The following EPB41L2 variants were observed in gnomAD, a reference collection of about 807,000 sequenced individuals.
EPB41L2 encodes erythrocyte membrane protein band 4.1 like 2, also known as band 4.1-like protein 2.
Under a neutral mutation model 113.0 loss-of-function variants are expected in EPB41L2, and 43 were observed. The ratio of observed to expected loss-of-function variants is 0.38; its 90% CI spans 0.30 to 0.49. EPB41L2 has a LOEUF of 0.49. EPB41L2 is among the 20% of genes least tolerant of loss of function. EPB41L2 has a pLI of 0.95. For missense variants in EPB41L2, 1,147 were observed against 1,223.4 expected (o/e 0.94, Z 0.93); for synonymous variants, 442 against 436.7 (o/e 1.01, Z -0.15).
At chr6:130,981,809 T>C (rs1779436136) in intron 1 of EPB41L2, among the ~76,000 whole-genome samples, 2 of 152,090 alleles carry the variant, frequency 1.3e-5, no homozygotes, top group South Asian at 4.1e-4. Flanking sequence ...ATTTGTAAAA[T>C]AAAAATATAA....
chr6:130,930,758 G>A (rs1554282250), intron 3 of EPB41L2, among the ~76,000 whole-genome samples: 1 of 152,044 alleles, frequency 6.6e-6, no homozygotes, highest in Non-Finnish European at 1.5e-5. Flanking sequence ...GAGAGACACA[G>A]TATCAGAATC....
chr6:130,997,509 A>T (rs1023000081), intron 1 of EPB41L2, among the ~76,000 whole-genome samples: 4 of 152,194 alleles, frequency 2.6e-5, no homozygotes, highest in African/African-American at 4.8e-5. Context: ...TCTACATTAG[A>T]TCAAGAAAGA....
At chr6:130,928,216 CTTGT>C (rs1447641207) in intron 3 of EPB41L2, among the ~76,000 whole-genome samples, 2 of 152,176 alleles carry the variant, frequency 1.3e-5, no homozygotes, top group Non-Finnish European at 2.9e-5. Flanking sequence ...TAGATATGTG[CTTGT>C]TTGTCTACAT....
chr6:130,862,014 C>G (rs996074966), intron 18 of EPB41L2, among the ~76,000 whole-genome samples: 1 of 152,150 alleles, frequency 6.6e-6, no homozygotes, highest in African/African-American at 2.4e-5. Flanking sequence ...ACTGTCCTTG[C>G]AACAGCAGCA....
chr6:130,864,405 G>C (rs1397166056), intron 17 of EPB41L2, among the ~76,000 whole-genome samples: 1 of 152,200 alleles, frequency 6.6e-6, no homozygotes, highest in African/African-American at 2.4e-5. Context: ...TGCGTAAGTA[G>C]TCATACACGT....
intron 1 of EPB41L2, among the ~76,000 whole-genome samples, chr6:131,042,012 T>C (rs181735295): frequency 1.5e-3 from 221 of 152,328 alleles, no homozygotes; most frequent in African/African-American, 5.2e-3. Flanking sequence ...AATGAAGTGA[T>C]AAACTGTGCT....
At chr6:130,978,907 T>G (rs1403801146) in intron 1 of EPB41L2, 1 of 152,154 alleles carries the variant, frequency 6.6e-6, no homozygotes, top group Non-Finnish European at 1.5e-5. Flanking sequence ...GGGCTTATTA[T>G]AAGTGGGTAG....
chr6:130,921,629 C>T (rs1383541431), intron 4 of EPB41L2, among the ~76,000 whole-genome samples: 1 of 152,176 alleles, frequency 6.6e-6, no homozygotes, highest in East Asian at 1.9e-4. Flanking sequence ...GAATACTGGC[C>T]GTAATTCTCA....
At chr6:130,926,538 G>A in intron 4 of EPB41L2, 67 bp downstream of exon 4, 2 of 1,161,188 alleles carry the variant, frequency 1.7e-6, no homozygotes, top group South Asian at 1.4e-5. Context: ...TTTAAACTGA[G>A]ATAAACTGGT....
chr6:130,933,296 T>C (rs1009018376), intron 3 of EPB41L2, among the ~76,000 whole-genome samples: 7 of 152,360 alleles, frequency 4.6e-5, no homozygotes, highest in Non-Finnish European at 5.9e-5. Context: ...AATAATATGA[T>C]ATCAAGTTTA....
rs117735642 is a variant in EPB41L2, at chr6:130,946,984, T to C, written c.705+8121A>G. 2.4e-4 allele frequency among the ~76,000 whole-genome samples: 37 copies of C among 151,710 alleles called. 2 individuals carry two copies. The East Asian group carries it at 7.2e-3, about 29-fold the overall frequency. On this transcript the variant is annotated intron_variant, in intron 3 of 19. Transcript: ENST00000337057. The stretch of plus-strand genomic sequence containing the variant: ...AAAAATTATCTATAGAGACCACTGA[T>C]GTGCATCATAAGCAATGCACTGAAT...
At chr6:130,852,586 G>A (rs1033086636) in intron 19 of EPB41L2, among the ~76,000 whole-genome samples, 9 of 152,272 alleles carry the variant, frequency 5.9e-5, no homozygotes, top group Non-Finnish European at 1.3e-4. Flanking sequence ...AATATGATGT[G>A]TGATTCTCCT....
chr6:131,003,348 ATTAT>A (rs1345290814), intron 1 of EPB41L2, among the ~76,000 whole-genome samples: 1 of 152,234 alleles, frequency 6.6e-6, no homozygotes, highest in African/African-American at 2.4e-5. Context: ...GTCTCATTTT[ATTAT>A]TTATGATCTC....
intron 1 of EPB41L2, among the ~76,000 whole-genome samples, chr6:130,989,353 T>A (rs945139892): frequency 6.6e-6 from 1 of 152,124 alleles, no homozygotes; most frequent in African/African-American, 2.4e-5. Context: ...AAATAAAATA[T>A]AAGGTTGACA....
At chr6:130,921,385 C>G (rs190168251) in intron 4 of EPB41L2, among the ~76,000 whole-genome samples, 1 of 152,242 alleles carries the variant, frequency 6.6e-6, no homozygotes, top group Non-Finnish European at 1.5e-5. Context: ...CAAAGTCATC[C>G]CAAATTAACC....
chr6:131,040,069 G>A (rs1180015912), intron 1 of EPB41L2, among the ~76,000 whole-genome samples: 2 of 152,154 alleles, frequency 1.3e-5, no homozygotes, highest in Non-Finnish European at 2.9e-5. Flanking sequence ...GAGTGTTAAC[G>A]TTGCAAGAGT....
chr6:130,872,371 C>A (rs986608741), intron 14 of EPB41L2: 1 of 1,286,358 alleles, frequency 7.8e-7, no homozygotes, highest in Admixed American at 2.3e-5. Flanking sequence ...TAAAATGCAC[C>A]TCAAGCAAGT....
chr6:130,939,033 T>C (rs1403390433), intron 3 of EPB41L2, among the ~76,000 whole-genome samples: 2 of 150,928 alleles, frequency 1.3e-5, no homozygotes, highest in African/African-American at 2.4e-5. Flanking sequence ...AATAGAAAAG[T>C]AAATCAGTGT....
At chr6:130,995,046 A>G (rs1782754669) in intron 1 of EPB41L2, among the ~76,000 whole-genome samples, 1 of 152,124 alleles carries the variant, frequency 6.6e-6, no homozygotes, top group Non-Finnish European at 1.5e-5. Flanking sequence ...AAAATACATA[A>G]AACAGGCCGG....
Sources: allele counts gnomAD v4.1 joint callset (sites outside exome capture counted in the v4.1 genomes callset), GRCh38; gene constraint gnomAD v4.1.1; transcripts MANE v1.5; gene names NCBI Gene and HGNC (gene_info 2026-07-23, HGNC 2026-07-21).